AGGF1: variants seen among roughly 807,000 people sequenced by gnomAD.
The protein encoded by AGGF1 is angiogenic factor with G patch and FHA domains 1.
A neutral mutation model predicts 86.5 loss-of-function variants in AGGF1; 56 were observed. That is an observed-to-expected ratio of 0.65 (90% confidence interval 0.52 to 0.81). The LOEUF (loss-of-function observed/expected upper bound fraction) is 0.81. Among genes scored for constraint, AGGF1 ranks in the 30% least tolerant of loss-of-function variants. The probability of loss-of-function intolerance (pLI) is 0.00; values close to 1 mark genes in which losing one functional copy is unlikely to be tolerated. For synonymous variants in AGGF1, 313 were observed against 297.1 expected (o/e 1.05, Z -0.55); for missense variants, 816 against 850.9 (o/e 0.96, Z 0.51).
intron 4 of AGGF1, among the ~76,000 whole-genome samples, chr5:77,038,624 A>T (rs1292600872): frequency 6.6e-6 from 1 of 152,146 alleles, no homozygotes; most frequent in Non-Finnish European, 1.5e-5. Flanking sequence ...TATTTTTTGT[A>T]AGAGATCTGC....
chr5:77,032,249 T>C (rs115064262), intron 1 of AGGF1, among the ~76,000 whole-genome samples: 28,569 of 91,070 alleles, frequency 0.31, 3,666 homozygotes, highest in Middle Eastern at 0.38. Flanking sequence ...AATACAAATA[T>C]GGTAAAAAAA....
At chr5:77,047,366 T>C (rs1343291728) in intron 6 of AGGF1, among the ~76,000 whole-genome samples, 1 of 152,222 alleles carries the variant, frequency 6.6e-6, no homozygotes, top group Non-Finnish European at 1.5e-5. Flanking sequence ...ACATAAGTTA[T>C]ATGCAAATAC....
chr5:77,052,755 T>C lies in AGGF1; in HGVS notation c.1415T>C (p.Val472Ala). 1 of 1,613,844 alleles carries C rather than the reference T, an allele frequency of 6.2e-7. No individual in the cohort carries two copies. ...FDHDLQSYVLVDQGSQNGTIV... is the reference protein window; with the variant it reads ...FDHDLQSYVLADQGSQNGTIV... ...CATGACTTACAAAGTTATGTCCTTG[T>C]GGATCAAGGCAGTCAAAATGGCACA... is the stretch of plus-strand genomic sequence containing the variant. The change falls in exon 9 of 14, where the codon GTG becomes GCG. Residue 472 changes from valine (V) to alanine (A), a missense_variant. Val to Ala is a moderately conservative substitution (Grantham distance 64). This residue lies in a region of AGGF1 where 565 missense variants were observed against 585.8 expected (regional missense o/e 0.96). Coordinates refer to ENST00000312916, the MANE Select transcript of AGGF1 (RefSeq NM_018046.5).
intron 9 of AGGF1, 118 bp downstream of exon 9, chr5:77,052,925 T>C (rs879328558): frequency 9.5e-6 from 8 of 838,238 alleles, no homozygotes; most frequent in Non-Finnish European, 1.6e-5. Context: ...CCAAATGTGT[T>C]ACTTCGGAAG....
chr5:77,062,899 A>G (rs771772845), intron 13 of AGGF1, among the ~76,000 whole-genome samples, 153 bp from the exon 14 acceptor site: 2 of 152,200 alleles, frequency 1.3e-5, no homozygotes, highest in Non-Finnish European at 2.9e-5. Context: ...ATAAAGGTAT[A>G]TATATTCCTG....
At chr5:77,043,560 C>T (rs551682156) in intron 5 of AGGF1, among the ~76,000 whole-genome samples, 141 of 129,806 alleles carry the variant, frequency 1.1e-3, no homozygotes, top group African/African-American at 2.0e-3. Context: ...CCCTCCCGGA[C>T]GGCACGGCTG....
At position 77,030,823 on chromosome 5, in the gene AGGF1, G is replaced by C. The variant is rs112730350; in HGVS notation, c.57G>C (p.Glu19Asp). ...PRSPPPPTSP[E>D]PELAQLRRKV... Reference sequence around the variant, plus strand: ...CGCCGCCGCCGCCCACCTCCCCCGAGCCTGAGCTGGCCCAGCTAAGGCGGA... The same window carrying C: ...CGCCGCCGCCGCCCACCTCCCCCGACCCTGAGCTGGCCCAGCTAAGGCGGA... Residue 19 changes from glutamate to aspartate, a missense_variant, in exon 1 of 14, where the codon GAG becomes GAC. Transcript: ENST00000312916. The C allele has an allele frequency of 6.8e-6, 11 of 1,609,686 alleles. No homozygotes were observed. The highest frequency in any genetic ancestry group is 9.3e-6 in the Non-Finnish European group (11 of 1,179,444).
chr5:77,057,461 A>G (rs1323248094), intron 11 of AGGF1, among the ~76,000 whole-genome samples: 1 of 152,268 alleles, frequency 6.6e-6, no homozygotes, highest in Non-Finnish European at 1.5e-5. Flanking sequence ...GATGAATCTC[A>G]AAATAGTTAT....
chr5:77,062,383 A>AT (rs563613446), intron 13 of AGGF1, among the ~76,000 whole-genome samples: 356 of 152,046 alleles, frequency 2.3e-3, no homozygotes, highest in Non-Finnish European at 3.7e-3. Flanking sequence ...CAGCTTTCTC[A>AT]TTTTTTTTGA....
At chr5:77,044,748 T>TA (rs1561287127) in intron 5 of AGGF1, among the ~76,000 whole-genome samples, 2 of 152,180 alleles carry the variant, frequency 1.3e-5, no homozygotes, top group Non-Finnish European at 2.9e-5. Flanking sequence ...TTTGTATTGC[T>TA]AGAAGTGTGT....
At chr5:77,032,808 A>G (rs907459367) in intron 1 of AGGF1, among the ~76,000 whole-genome samples, 7 of 152,232 alleles carry the variant, frequency 4.6e-5, no homozygotes, top group Admixed American at 3.9e-4. Context: ...TCTTACAGAA[A>G]AGAATGTTTT....
In AGGF1 at chr5:77,048,182, C is replaced by A. The variant is rs1049045259; in HGVS notation, c.1223C>A (p.Pro408Gln). Residue 408 changes from proline to glutamine, a missense_variant, in exon 7 of 14, where the codon CCA (proline) becomes CAA (glutamine). Around this residue, in one of 3 missense-constraint regions of AGGF1, gnomAD observed 565 missense variants for 585.8 expected, o/e 0.96. Transcript: ENST00000312916. ...GCAGATGAAGACAAAATTTGGCCCC[C>A]ATGTATTAGAGTAATTGTCATTAGA... Reference protein sequence around the residue: ...EDEDEDKIWPPCIRVIVIRSP... With the variant: ...EDEDEDKIWPQCIRVIVIRSP... 6.2e-7 allele frequency: 1 copy of A among 1,613,024 alleles called. No individual in the cohort carries two copies. Among genetic ancestry groups the A allele is most frequent in the Non-Finnish European group, 8.5e-7 (1 of 1,179,316 alleles).
intron 8 of AGGF1, among the ~76,000 whole-genome samples, chr5:77,051,520 G>A (rs932208113): frequency 1.3e-5 from 2 of 152,002 alleles, no homozygotes; most frequent in African/African-American, 4.8e-5. Flanking sequence ...TCTTAGGCTA[G>A]CAAAAATTAA....
intron 6 of AGGF1, among the ~76,000 whole-genome samples, chr5:77,047,458 C>T (rs1441127609): frequency 1.3e-5 from 2 of 152,102 alleles, no homozygotes; most frequent in East Asian, 1.9e-4. Flanking sequence ...CCACAGATAC[C>T]GAGGGCCAAC....
At chr5:77,062,092 A>G (rs1354692591) in intron 13 of AGGF1, among the ~76,000 whole-genome samples, 1 of 152,172 alleles carries the variant, frequency 6.6e-6, no homozygotes, top group Admixed American at 6.5e-5. Context: ...ATTTTTAATA[A>G]CTGTCAGAGC....
intron 4 of AGGF1, among the ~76,000 whole-genome samples, chr5:77,039,140 G>C (rs957128853): frequency 3.3e-5 from 5 of 152,050 alleles, no homozygotes; most frequent in Non-Finnish European, 7.4e-5. Context: ...CAGGAGTCTA[G>C]AATTGCGCTC....
At chr5:77,060,773 A>G (rs538642609) in intron 12 of AGGF1, among the ~76,000 whole-genome samples, 30 of 152,322 alleles carry the variant, frequency 2.0e-4, no homozygotes, top group African/African-American at 7.2e-4. Context: ...CATTACCAAC[A>G]TTTTATTTGA....
intron 13 of AGGF1, among the ~76,000 whole-genome samples, chr5:77,062,480 A>G (rs1561292834): frequency 6.6e-6 from 1 of 152,180 alleles, no homozygotes; most frequent in Non-Finnish European, 1.5e-5. Flanking sequence ...GCTTTGGGCA[A>G]GTTTGGACTT....
At position 77,039,838 on chromosome 5, in the gene AGGF1, A is replaced by ATC. The variant is rs1747037491; in HGVS notation, c.870+120_870+121insCT. 1.0e-5 allele frequency: 9 copies of ATC among 857,780 alleles called. No homozygotes were observed. The East Asian group carries it at 2.4e-4, about 23-fold the overall frequency. 53.1% of individuals were successfully genotyped at this position (857,780 alleles called of 1,614,324 possible). A position where few individuals can be genotyped will look rare whatever the true frequency, so the allele number is the denominator to read the frequency against. On this transcript the variant is annotated intron_variant, in intron 5 of 13. Coordinates refer to ENST00000312916, the MANE Select transcript of AGGF1 (RefSeq NM_018046.5). ...CTGCATTTCAAACATACCCATTAAG[A>ATC]TAACCTAGGAAAGTTTAGATGGAGC...
Sources: allele counts gnomAD v4.1 joint callset (sites outside exome capture counted in the v4.1 genomes callset), GRCh38; gene constraint gnomAD v4.1.1; regional missense constraint gnomAD v4.1.1; transcripts MANE v1.5; gene names NCBI Gene and HGNC (gene_info 2026-07-23, HGNC 2026-07-21).